The following RASSF8 variants were observed in gnomAD, a reference collection of about 807,000 sequenced individuals.
RASSF8 encodes the protein ras association domain-containing protein 8.
RASSF8 carries 22 observed loss-of-function variants against 48.5 expected under a neutral mutation model. That is an observed-to-expected ratio of 0.45 (90% CI 0.32 to 0.65). The LOEUF (loss-of-function observed/expected upper bound fraction) is 0.65. Among genes scored for constraint, RASSF8 ranks in the 30% least tolerant of loss-of-function variants. RASSF8 has a pLI of 0.03. For missense variants in RASSF8, 418 were observed against 489.2 expected (o/e 0.85, Z 1.37); for synonymous variants, 127 against 171.5 (o/e 0.74, Z 2.03).
chr12:25,985,253 C>G lies in RASSF8; in HGVS notation c.-202-9784C>G, dbSNP rs1378920056. On this transcript the variant is annotated intron_variant, in intron 1 of 5. Coordinates refer to ENST00000689635, the MANE Select transcript of RASSF8 (RefSeq NM_001394098.1). ...TTGTGTGTGTGTGGGAGGGAGGCATCTAATGCTGTAACTATAGACCCTATG... is the reference window on the plus strand; with the variant it reads ...TTGTGTGTGTGTGGGAGGGAGGCATGTAATGCTGTAACTATAGACCCTATG... Among the ~76,000 whole-genome samples, 3 of 152,216 alleles carry G rather than the reference C, an allele frequency of 2.0e-5. No individual in the cohort carries two copies. In the East Asian group the frequency reaches 5.8e-4, roughly 29 times the overall value.
intron 2 of RASSF8, among the ~76,000 whole-genome samples, chr12:26,013,362 A>G (rs1942574935): frequency 6.6e-6 from 1 of 152,236 alleles, no homozygotes; most frequent in Admixed American, 6.5e-5. Flanking sequence ...TGCTTATAGC[A>G]AACCCATAGA....
chr12:26,057,392 C>T (rs1366614609), intron 3 of RASSF8, among the ~76,000 whole-genome samples: 1 of 152,038 alleles, frequency 6.6e-6, no homozygotes, highest in Admixed American at 6.6e-5. Flanking sequence ...GTTTTCTGTC[C>T]TTGTGATAGT....
rs1333462408 is a variant in RASSF8 at position 26,064,601 on chromosome 12, T to C, written c.207T>C (p.Tyr69=). ...PIISLNKWGQ[Y]ASDVQLILRR... is the part of the protein sequence containing the mutation. Reference sequence around the variant, plus strand: ...TATCCTTAAACAAATGGGGGCAGTATGCTAGTGATGTGCAGCTCATTCTAC... The same window carrying C: ...TATCCTTAAACAAATGGGGGCAGTACGCTAGTGATGTGCAGCTCATTCTAC... The change falls in exon 4 of 6, where the codon TAT becomes TAC. Residue 69 remains tyrosine (Y), a synonymous_variant. Transcript: ENST00000689635. 2.5e-6 allele frequency: 4 copies of C among 1,614,070 alleles called. No homozygotes were observed. The highest frequency in any genetic ancestry group is 1.3e-5 in the African/African-American group (1 of 74,930).
In RASSF8 at chr12:25,998,038, A is replaced by G. The variant is rs996156390; in HGVS notation, c.-109+2908A>G. Among the ~76,000 whole-genome samples the G allele has an allele frequency of 4.4e-4, 67 of 152,214 alleles. 1 individual carries two copies. The highest frequency in any genetic ancestry group is 4.4e-3 in the Admixed American group (67 of 15,286). On this transcript the variant is annotated intron_variant, in intron 2 of 5. Transcript: ENST00000689635. The stretch of plus-strand genomic sequence containing the variant: ...CTTAATGAAATATGAAAGAAACAGG[A>G]TTTGATACTGATTGAAGAAATTGCC...
At chr12:26,074,841 G>A (rs1442202143), downstream of RASSF8, among the ~76,000 whole-genome samples, 1 of 152,182 alleles carries the variant, frequency 6.6e-6, no homozygotes, top group Non-Finnish European at 1.5e-5. Flanking sequence ...AAGAGCCCGG[G>A]AGGTCCAAGA....
At position 26,064,648 on chromosome 12, in the gene RASSF8, G is replaced by T. The variant is rs1181676121; in HGVS notation, c.254G>T (p.Ser85Ile). 5.0e-6 allele frequency: 8 copies of T among 1,614,138 alleles called. No homozygotes were observed. Among genetic ancestry groups the T allele is most frequent in the Admixed American group, 1.7e-5 (1 of 60,020 alleles). The change falls in exon 4 of 6, where the codon AGT becomes ATT. Residue 85 changes from serine (S) to isoleucine (I), a missense_variant. Coordinates refer to ENST00000689635, the MANE Select transcript of RASSF8 (RefSeq NM_001394098.1). The part of the protein sequence containing the change: ...LILRRTGPSL[S>I]ERPTSDSVAR... ...CTACGACGAACTGGGCCGTCTCTCAGTGAGCGACCCACTTCAGACAGTGTG... is the reference window on the plus strand; with the variant it reads ...CTACGACGAACTGGGCCGTCTCTCATTGAGCGACCCACTTCAGACAGTGTG...
At position 26,071,707 on chromosome 12, in the gene RASSF8, T is replaced by TTA; in HGVS notation, c.*2890_*2891dup. 1.0e-6 allele frequency: 1 copy of TTA among 983,416 alleles called. No homozygotes were observed. The highest frequency in any genetic ancestry group is 1.2e-6 in the Non-Finnish European group (1 of 828,080). 60.9% of individuals were successfully genotyped at this position (983,416 alleles called of 1,614,324 possible). Reference sequence around the variant, plus strand: ...GTTGGTATTAATAGGAGTTACCTATTTAATTCTCCCAGTCATCAATGAGGT... The same window carrying TTA: ...GTTGGTATTAATAGGAGTTACCTATTTATAATTCTCCCAGTCATCAATGAGGT... On this transcript the variant is annotated 3_prime_UTR_variant, in exon 6 of 6. Coordinates refer to ENST00000689635, the MANE Select transcript of RASSF8 (RefSeq NM_001394098.1).
chr12:25,983,385 G>A (rs967590006), intron 1 of RASSF8, among the ~76,000 whole-genome samples: 2 of 152,234 alleles, frequency 1.3e-5, no homozygotes, highest in Non-Finnish European at 2.9e-5. Context: ...CTTTTTGACT[G>A]TGACCCACAG....
chr12:26,024,113 A>G (rs1037317698), intron 2 of RASSF8, among the ~76,000 whole-genome samples: 7 of 152,232 alleles, frequency 4.6e-5, no homozygotes, highest in Admixed American at 3.3e-4. Context: ...CAATAAAGAC[A>G]CAAAAACTGG....
chr12:26,071,581 G>A lies in RASSF8; in HGVS notation c.*2763G>A. On this transcript the variant is annotated 3_prime_UTR_variant, in exon 6 of 6. Coordinates refer to ENST00000689635, the MANE Select transcript of RASSF8 (RefSeq NM_001394098.1). ...CCATAGTGTGTTGCCTGTGGACATA[G>A]TGTCCATAGTCCCTTTCTTGTCCTT... The A allele has an allele frequency of 1.0e-6, 1 of 984,280 alleles. No individual in the cohort carries two copies. The highest frequency in any genetic ancestry group is 1.2e-6 in the Non-Finnish European group (1 of 828,906). The allele number at this position is 984,280 out of a possible 1,614,324, so 61.0% of individuals were successfully genotyped here.
intron 1 of RASSF8, among the ~76,000 whole-genome samples, chr12:25,978,198 C>T (rs1941654970): frequency 6.6e-6 from 1 of 152,154 alleles, no homozygotes; most frequent in Non-Finnish European, 1.5e-5. Flanking sequence ...TATGTAGAAG[C>T]TTCTGAGATT....
chr12:25,988,018 ATT>A (rs758560310), intron 1 of RASSF8, among the ~76,000 whole-genome samples: 12 of 137,850 alleles, frequency 8.7e-5, no homozygotes, highest in African/African-American at 8.0e-5. Context: ...TGCCTGGCTA[ATT>A]TTTTTTTTTT....
intron 2 of RASSF8, among the ~76,000 whole-genome samples, chr12:26,023,205 A>G (rs546213849): frequency 6.6e-6 from 1 of 152,328 alleles, no homozygotes; most frequent in East Asian, 1.9e-4. Context: ...TAATGGGAGT[A>G]CTACAAGGAG....
Position 26,064,875 on chromosome 12 carries a change from A to G in RASSF8, c.481A>G (p.Thr161Ala), listed in dbSNP as rs1290108794. 2 of 1,614,240 alleles carry G rather than the reference A, an allele frequency of 1.2e-6. No homozygotes were observed. The highest frequency in any genetic ancestry group is 1.7e-6 in the Non-Finnish European group (2 of 1,180,032). The change falls in exon 4 of 6, where the codon ACA (threonine) becomes GCA (alanine). Residue 161 changes from threonine to alanine, a missense_variant. Transcript: ENST00000689635. Reference sequence around the variant, plus strand: ...GCAAAAGGTGCTGAATAACTGCAAAACAACAGCAGATGAGTTGAAGAAGCT... The same window carrying G: ...GCAAAAGGTGCTGAATAACTGCAAAGCAACAGCAGATGAGTTGAAGAAGCT... ...FKQKVLNNCK[T>A]TADELKKLIR...
At chr12:25,983,624 T>A (rs1365118155) in intron 1 of RASSF8, among the ~76,000 whole-genome samples, 1 of 152,140 alleles carries the variant, frequency 6.6e-6, no homozygotes, top group African/African-American at 2.4e-5. Flanking sequence ...TTTAATAAAA[T>A]TGAATATGTG....
At chr12:26,039,060 C>T (rs1038144321) in intron 2 of RASSF8, among the ~76,000 whole-genome samples, 2 of 152,102 alleles carry the variant, frequency 1.3e-5, no homozygotes, top group African/African-American at 4.8e-5. Flanking sequence ...TAAGGAACAT[C>T]ATGGATGTTC....
At chr12:25,995,478 A>G (rs1942112025) in intron 2 of RASSF8, among the ~76,000 whole-genome samples, 1 of 152,210 alleles carries the variant, frequency 6.6e-6, no homozygotes, top group African/African-American at 2.4e-5. Flanking sequence ...TACTAATGCT[A>G]TAAATTGGCA....
intron 1 of RASSF8, among the ~76,000 whole-genome samples, chr12:25,969,404 G>A (rs1941432605): frequency 6.6e-6 from 1 of 152,148 alleles, no homozygotes; most frequent in Non-Finnish European, 1.5e-5. Flanking sequence ...GTTAATATTT[G>A]TGAAGAACAG....
In RASSF8 at chr12:26,064,501, G is replaced by T; in HGVS notation, c.107G>T (p.Arg36Leu). ...TATTCTTACCTTTTTTACATAGGTC[G>T]AACTGGAAGGTACACCCTTATAGAG... ...VVIALAQAIG[R>L]TGRYTLIEKW... The change falls in exon 4 of 6, where the codon CGA (arginine) becomes CTA (leucine). Residue 36 changes from arginine (R) to leucine (L), a missense_variant. Coordinates refer to ENST00000689635, the MANE Select transcript of RASSF8 (RefSeq NM_001394098.1). The T allele has an allele frequency of 6.5e-7, 1 of 1,535,314 alleles. No individual in the cohort carries two copies. Among genetic ancestry groups the T allele is most frequent in the Non-Finnish European group, 8.8e-7 (1 of 1,139,910 alleles).
Sources: allele counts gnomAD v4.1 joint callset (sites outside exome capture counted in the v4.1 genomes callset), GRCh38; gene constraint gnomAD v4.1.1; transcripts MANE v1.5; gene names NCBI Gene and HGNC (gene_info 2026-07-23, HGNC 2026-07-21).